Variants in APOOL observed in about 807,000 individuals in gnomAD.
APOOL encodes the protein MICOS complex subunit MIC27.
Under a neutral mutation model 23.1 loss-of-function variants are expected in APOOL, and 12 were observed. The ratio of observed to expected loss-of-function variants is 0.52; its 90% CI spans 0.33 to 0.84. The LOEUF (loss-of-function observed/expected upper bound fraction) is 0.84. Ranked by LOEUF, APOOL falls within the 40% of genes least tolerant of loss-of-function variation. The pLI is 0.02. For synonymous variants in APOOL, 77 were observed against 69.9 expected, an observed-to-expected ratio of 1.10 and a Z score of -0.51; for missense variants, 212 against 199.6, an observed-to-expected ratio of 1.06 and a Z score of -0.37.
intron 8 of APOOL, among the ~76,000 whole-genome samples, chrX:85,079,093 G>T (rs1479951139): frequency 9.0e-6 from 1 of 111,210 alleles, no homozygotes; most frequent in African/African-American, 3.3e-5. Flanking sequence ...TCTTTCTCTT[G>T]CCTGATTGCC....
chrX:85,036,187 T>C (rs992158173), intron 1 of APOOL, among the ~76,000 whole-genome samples: 2 of 112,203 alleles, frequency 1.8e-5, no homozygotes, highest in Non-Finnish European at 3.8e-5. Flanking sequence ...TGTAGAGATC[T>C]TTCACCTCTG....
At chrX:85,069,174 A>C (rs1409534283) in intron 6 of APOOL, among the ~76,000 whole-genome samples, 1 of 110,763 alleles carries the variant, frequency 9.0e-6, no homozygotes, top group African/African-American at 3.3e-5. Context: ...TTACAAATTC[A>C]AATATATGAT....
intron 2 of APOOL, 102 bp from the exon 3 acceptor site, chrX:85,051,287 G>T: frequency 2.1e-6 from 2 of 936,074 alleles, no homozygotes; most frequent in Non-Finnish European, 2.9e-6. Context: ...ATTTTTAGTT[G>T]TTTTTAGAAA....
chrX:85,010,762 G>T (rs868610309), intron 1 of APOOL, among the ~76,000 whole-genome samples: 2 of 111,947 alleles, frequency 1.8e-5, no homozygotes. Context: ...GGGCATTTGG[G>T]TTGGTTACAT....
At chrX:85,079,145 G>T (rs2147665851) in intron 8 of APOOL, among the ~76,000 whole-genome samples, 1 of 111,819 alleles carries the variant, frequency 8.9e-6, no homozygotes, top group East Asian at 2.8e-4. Flanking sequence ...GGAGTGGTGA[G>T]AGAGGGCACC....
intron 1 of APOOL, among the ~76,000 whole-genome samples, chrX:85,039,316 GC>G (rs1201727328): frequency 1.8e-5 from 2 of 110,050 alleles, no homozygotes; most frequent in African/African-American, 6.6e-5. Flanking sequence ...TTTGAGAACT[GC>G]TTTAGGGCTG....
At position 85,015,533 on chromosome X, in the gene APOOL, C is replaced by T. The variant is rs981089380; in HGVS notation, c.15+11606C>T. The stretch of plus-strand genomic sequence containing the variant: ...ATTTCTTTTTTTCCTTCTTAAGGAT[C>T]GGACTTTAATATTTATTTATTTATT... On this transcript the variant is annotated intron_variant, in intron 1 of 8. Coordinates refer to ENST00000373173, the MANE Select transcript of APOOL (RefSeq NM_198450.6). Among the ~76,000 whole-genome samples, 14 of 104,273 alleles carry T rather than the reference C, an allele frequency of 1.3e-4. No individual in the cohort carries two copies. The Admixed American group carries it at 1.4e-3, about 10-fold the overall frequency. The allele number at this position is 104,273 out of a possible 115,157, so 90.5% of individuals were successfully genotyped here.
At position 85,074,389 on chromosome X, in the gene APOOL, C is replaced by T; in HGVS notation, c.716C>T (p.Ser239Leu). ...GCAAAGACCAAATCAGAATCCACTT[C>T]AGGTTTGTTGGGTATAAGTCAATTT... ...SEAKTKSEST[S>L]GATQFMPDPK... The change falls in exon 8 of 9, where the codon TCA (serine) becomes TTA (leucine). Residue 239 changes from serine (S) to leucine (L), a missense_variant and splice_region_variant. Transcript: ENST00000373173. 4 of 1,210,207 alleles carry T rather than the reference C, an allele frequency of 3.3e-6. No individual in the cohort carries two copies. Among genetic ancestry groups the T allele is most frequent in the Non-Finnish European group, 3.4e-6 (3 of 894,658 alleles).
At chrX:85,032,220 G>A (rs1201444337) in intron 1 of APOOL, among the ~76,000 whole-genome samples, 2 of 112,589 alleles carry the variant, frequency 1.8e-5, no homozygotes, top group Non-Finnish European at 3.7e-5. Flanking sequence ...GGATTTTTAA[G>A]ATGTTTAGTT....
intron 5 of APOOL, among the ~76,000 whole-genome samples, chrX:85,065,682 A>C (rs1666181856): frequency 9.0e-6 from 1 of 111,187 alleles, no homozygotes; most frequent in Admixed American, 9.7e-5. Context: ...AGAGAGGATG[A>C]CTATAAGTCT....
chrX:85,032,481 T>C (rs2147483770), intron 1 of APOOL, among the ~76,000 whole-genome samples: 1 of 107,480 alleles, frequency 9.3e-6, no homozygotes, highest in East Asian at 2.9e-4. Context: ...GCCATTGCAC[T>C]CCAGCCTGGG....
chrX:85,029,221 G>A (rs1455311874), intron 1 of APOOL, among the ~76,000 whole-genome samples: 4 of 111,402 alleles, frequency 3.6e-5, no homozygotes, highest in Non-Finnish European at 7.6e-5. Flanking sequence ...TTGGATATAA[G>A]CCATTTTAAC....
chrX:85,042,528 G>A (rs471428), intron 1 of APOOL, among the ~76,000 whole-genome samples: 2,920 of 111,838 alleles, frequency 0.026, 89 homozygotes, highest in African/African-American at 0.09. Flanking sequence ...ATTTAAAGAA[G>A]AAATACCAGT....
intron 8 of APOOL, among the ~76,000 whole-genome samples, chrX:85,082,015 TC>T (rs1353249255): frequency 8.9e-6 from 1 of 111,780 alleles, no homozygotes; most frequent in Admixed American, 9.6e-5. Flanking sequence ...GTTTTTAACT[TC>T]CTTGCGGTGG....
chrX:85,046,669 T>C (rs1277635652), intron 2 of APOOL, 119 bp downstream of exon 2: 23 of 562,505 alleles, frequency 4.1e-5, no homozygotes, highest in Non-Finnish European at 6.6e-5. Context: ...TAGGTAGATA[T>C]TAAAAGTTGA....
intron 1 of APOOL, among the ~76,000 whole-genome samples, chrX:85,015,104 T>C (rs1225066571): frequency 9.0e-6 from 1 of 111,668 alleles, no homozygotes; most frequent in African/African-American, 3.2e-5. Flanking sequence ...CTACTGGTTC[T>C]AGTCTATTTT....
intron 6 of APOOL, 88 bp downstream of exon 6, chrX:85,067,306 C>G: frequency 1.6e-6 from 1 of 624,798 alleles, no homozygotes; most frequent in East Asian, 3.7e-5. Context: ...GCACCTGCAA[C>G]ATTTAATTTT....
chrX:85,061,910 GC>G (rs1923241994), intron 5 of APOOL, among the ~76,000 whole-genome samples: 1 of 110,706 alleles, frequency 9.0e-6, no homozygotes, highest in African/African-American at 3.3e-5. Context: ...GTTATTTCGT[GC>G]CTTCTGCTAG....
chrX:85,005,263 T>C lies in APOOL; in HGVS notation c.15+1336T>C, dbSNP rs1454915321. On this transcript the variant is annotated intron_variant, in intron 1 of 8. Transcript: ENST00000373173. The stretch of plus-strand genomic sequence containing the variant: ...GGTTCAGGCGATTCTCCTGCCTCAG[T>C]CTCCTGAGTAGCTGGGACTACAGGC... Among the ~76,000 whole-genome samples the C allele has an allele frequency of 5.4e-5, 6 of 110,237 alleles. No individual in the cohort carries two copies. In the East Asian group the frequency reaches 1.7e-3, roughly 32 times the overall value.
Sources: allele counts gnomAD v4.1 joint callset (sites outside exome capture counted in the v4.1 genomes callset), GRCh38; gene constraint gnomAD v4.1.1; transcripts MANE v1.5; gene names NCBI Gene and HGNC (gene_info 2026-07-23, HGNC 2026-07-21).